Variants in RPS6KA2 observed in about 807,000 individuals in gnomAD.
The protein encoded by RPS6KA2 is ribosomal protein S6 kinase A2.
Under a neutral mutation model 91.8 loss-of-function variants are expected in RPS6KA2, and 42 were observed. That is an observed-to-expected ratio of 0.46 (90% CI 0.36 to 0.59). The LOEUF (loss-of-function observed/expected upper bound fraction) is 0.59. Ranked by LOEUF, RPS6KA2 falls within the 20% of genes least tolerant of loss-of-function variation. The pLI is 0.00. For missense variants in RPS6KA2, 798 were observed against 978.5 expected (o/e 0.82, Z 2.46); for synonymous variants, 414 against 393.6 (o/e 1.05, Z -0.61).
intron 1 of RPS6KA2, among the ~76,000 whole-genome samples, chr6:166,543,223 A>C (rs1442984597): frequency 6.6e-6 from 1 of 152,164 alleles, no homozygotes; most frequent in Non-Finnish European, 1.5e-5. Flanking sequence ...ATCGCAAGTC[A>C]TTCTCTCAAG....
rs907330925 is a variant in RPS6KA2 at position 166,677,588 on chromosome 6, C to G, written c.124-138804G>C. ...TCTCAAATTCCTGGCCTCAAGTGATCTGCCTGCCTGGGCTTCCCAAAGTGC... is the reference window on the plus strand; with the variant it reads ...TCTCAAATTCCTGGCCTCAAGTGATGTGCCTGCCTGGGCTTCCCAAAGTGC... On this transcript the variant is annotated intron_variant, in intron 2 of 21. Coordinates refer to the RPS6KA2 transcript ENST00000503859. Among the ~76,000 whole-genome samples, 3 of 152,310 alleles carry G rather than the reference C, an allele frequency of 2.0e-5. No individual in the cohort carries two copies. The East Asian group carries it at 5.8e-4, about 29-fold the overall frequency.
chr6:166,534,171 G>A (rs1268157087), intron 2 of RPS6KA2, among the ~76,000 whole-genome samples: 7 of 139,442 alleles, frequency 5.0e-5, no homozygotes, highest in East Asian at 4.3e-4. Context: ...GCAGTGAGCC[G>A]AGATTCAGCC....
chr6:166,432,280 T>C lies in RPS6KA2; in HGVS notation c.1422+121A>G, dbSNP rs915616373. 4.4e-6 allele frequency: 3 copies of C among 679,108 alleles called. No individual in the cohort carries two copies. In the African/African-American group the frequency reaches 5.4e-5, roughly 12 times the overall value. 42.1% of individuals were successfully genotyped at this position (679,108 alleles called of 1,614,324 possible). ...GCTCCAAGTGACTGAGATATGTGGG[T>C]GGTGGAAACCAGCTGAGACAGGCAT... On this transcript the variant is annotated intron_variant, in intron 15 of 20. Transcript: ENST00000265678.
At chr6:166,543,750 T>G (rs1211274753) in intron 1 of RPS6KA2, among the ~76,000 whole-genome samples, 2 of 152,228 alleles carry the variant, frequency 1.3e-5, no homozygotes, top group Non-Finnish European at 1.5e-5. Context: ...AATCTCAATC[T>G]CCAGCAGGGG....
chr6:166,510,571 A>ATATATG (rs1782436885), intron 3 of RPS6KA2, among the ~76,000 whole-genome samples: 1 of 28,716 alleles, frequency 3.5e-5, no homozygotes. Flanking sequence ...ATATATATAT[A>ATATATG]TATATATATA....
chr6:166,452,641 G>A (rs1280470575), intron 12 of RPS6KA2, among the ~76,000 whole-genome samples: 1 of 152,052 alleles, frequency 6.6e-6, no homozygotes. Context: ...ACAGATTAAC[G>A]GAACAGAATA....
chr6:166,498,657 G>A lies in RPS6KA2; in HGVS notation c.605-7C>T. 6.2e-7 allele frequency: 1 copy of A among 1,613,544 alleles called. No individual in the cohort carries two copies. The highest frequency in any genetic ancestry group is 1.1e-5 in the South Asian group (1 of 91,016). ...TCCTTACTCAGGCCGAAATCTACAT[G>A]CAAACACAGCACACACACTGCCTCA... On this transcript the variant is annotated splice_region_variant and splice_polypyrimidine_tract_variant and intron_variant, in intron 7 of 20. Transcript: ENST00000265678.
intron 2 of RPS6KA2, chr6:166,702,702 G>A (rs1243460802): frequency 1.2e-5 from 16 of 1,317,292 alleles, no homozygotes; most frequent in Admixed American, 1.7e-5. Context: ...CCCAGATCTC[G>A]TCTGGGCAGT....
chr6:166,810,618 C>G (rs917312070), intron 2 of RPS6KA2, among the ~76,000 whole-genome samples: 1 of 152,122 alleles, frequency 6.6e-6, no homozygotes, highest in East Asian at 1.9e-4. Flanking sequence ...CTTTGTGGGT[C>G]GAGGCTGTCT....
chr6:166,773,868 T>C (rs1446413921), intron 2 of RPS6KA2, among the ~76,000 whole-genome samples: 1 of 152,224 alleles, frequency 6.6e-6, no homozygotes, highest in East Asian at 1.9e-4. Flanking sequence ...CAAATGATCG[T>C]CCTCCAGGGG....
rs552210400 is a variant in RPS6KA2, at chr6:166,423,525, A to C, written c.1582-108T>G. ...TGCATTTGGGAACTGTCTTCCTAGC[A>C]GGTCCTGCAAGCAGGCAACAGGCCA... On this transcript the variant is annotated intron_variant, in intron 16 of 20. Coordinates refer to ENST00000265678, the MANE Select transcript of RPS6KA2 (RefSeq NM_021135.6). The surrounding 1 kb of genome is among the most constrained non-coding windows in gnomAD (Gnocchi z 4.8). 9.2e-7 allele frequency: 1 copy of C among 1,092,334 alleles called. No individual in the cohort carries two copies. The highest frequency in any genetic ancestry group is 1.6e-5 in the South Asian group (1 of 63,874). The allele number at this position is 1,092,334 out of a possible 1,614,324, so 67.7% of individuals were successfully genotyped here.
At chr6:166,534,236 A>G (rs1418792078) in intron 2 of RPS6KA2, among the ~76,000 whole-genome samples, 3 of 150,206 alleles carry the variant, frequency 2.0e-5, no homozygotes. Context: ...AAAAAAAAAA[A>G]AAAAAAAAAA....
intron 2 of RPS6KA2, among the ~76,000 whole-genome samples, chr6:166,817,583 A>G (rs1469417443): frequency 6.6e-6 from 1 of 152,202 alleles, no homozygotes; most frequent in African/African-American, 2.4e-5. Flanking sequence ...AAATCCACAG[A>G]AAGGTTGAAA....
Position 166,508,270 on chromosome 6 carries a change from T to G in RPS6KA2, c.392A>C (p.Glu131Ala). ...GTCCAGGATCAGGTAGAGCTTTCCT[T>G]CCGTCTGAAAGGCTGTGGGGGACAG... ...IVKLHYAFQT[E>A]GKLYLILDFL... Residue 131 changes from glutamate (E) to alanine (A), a missense_variant, in exon 5 of 21, where the codon GAA (glutamate) becomes GCA (alanine). Physicochemically the swap from Glu to Ala is moderately radical, Grantham distance 107. Transcript: ENST00000265678. The surrounding 1 kb of genome is among the most constrained non-coding windows in gnomAD (Gnocchi z 4.3). 4 of 1,612,432 alleles carry G rather than the reference T, an allele frequency of 2.5e-6. No individual in the cohort carries two copies. The highest frequency in any genetic ancestry group is 3.4e-6 in the Non-Finnish European group (4 of 1,178,486).
intron 1 of RPS6KA2, among the ~76,000 whole-genome samples, chr6:166,581,948 GGGTGAGATAGGGTGGGA>G (rs1785027840): frequency 1.1e-5 from 1 of 93,874 alleles, no homozygotes; most frequent in African/African-American, 4.2e-5. Flanking sequence ...CACAGGGAGA[GGGTGAGATAGGGTGGGA>G]CGCCCACTGG....
At chr6:166,537,200 T>C (rs1247935092) in intron 2 of RPS6KA2, among the ~76,000 whole-genome samples, 1 of 152,284 alleles carries the variant, frequency 6.6e-6, no homozygotes, top group Non-Finnish European at 1.5e-5. Flanking sequence ...ACAGGTGGAA[T>C]CTGTTCTCAA....
rs565880515 is a variant in RPS6KA2, at chr6:166,473,708, T to C, written c.908-3803A>G. Reference sequence around the variant, plus strand: ...TTGGGACTCCTTTGCAATATTTTCATTTTTGTTGTTTGAGAGTCACACAAA... The same window carrying C: ...TTGGGACTCCTTTGCAATATTTTCACTTTTGTTGTTTGAGAGTCACACAAA... On this transcript the variant is annotated intron_variant, in intron 10 of 20. Transcript: ENST00000265678. 2.9e-3 allele frequency among the ~76,000 whole-genome samples: 449 copies of C among 152,268 alleles called. 2 individuals are homozygous for C. Among genetic ancestry groups the C allele is most frequent in the African/African-American group, 0.01 (431 of 41,556 alleles).
upstream of RPS6KA2, among the ~76,000 whole-genome samples, chr6:166,632,116 G>A (rs899981325): frequency 6.6e-6 from 1 of 152,070 alleles, no homozygotes; most frequent in Admixed American, 6.6e-5. Context: ...CAGCCCTGGG[G>A]AGTTTTTAGA....
At chr6:166,463,066 C>G (rs1780382491) in intron 11 of RPS6KA2, 2 of 152,276 alleles carry the variant, frequency 1.3e-5, no homozygotes, top group Non-Finnish European at 2.9e-5. Context: ...CCAACTGGAG[C>G]CGGTCACTCT....
Sources: gnomAD v4.1 joint callset for allele counts (sites outside exome capture counted in the v4.1 genomes callset) on GRCh38, gnomAD v4.1.1 for gene constraint, Gnocchi (gnomAD v3.1) non-coding constraint, MANE v1.5 for transcripts, NCBI Gene and HGNC (gene_info 2026-07-23, HGNC 2026-07-21) for gene names.